Variants in TMEM192 observed in about 807,000 individuals in gnomAD.
The protein encoded by TMEM192 is transmembrane protein 192.
In TMEM192, 20 loss-of-function variants were observed where a neutral mutation model predicts 26.7. The ratio of observed to expected loss-of-function variants is 0.75; its 90% CI spans 0.53 to 1.09. The LOEUF (loss-of-function observed/expected upper bound fraction) is 1.09. Ranked by LOEUF, TMEM192 falls within the 50% of genes least tolerant of loss-of-function variation. The pLI is 0.00. For synonymous variants in TMEM192, 124 were observed against 121.0 expected (o/e 1.02, Z -0.16); for missense variants, 304 against 322.6 (o/e 0.94, Z 0.44).
intron 3 of TMEM192, among the ~76,000 whole-genome samples, chr4:165,100,133 T>A (rs550101602): frequency 5.3e-5 from 8 of 151,650 alleles, no homozygotes; most frequent in African/African-American, 1.9e-4. Context: ...CAAATGAAAA[T>A]TAAGGCTATA....
rs780190839 is a variant in TMEM192 at position 165,071,938 on chromosome 4, A to C, written c.*7720T>G. On this transcript the variant is annotated 3_prime_UTR_variant, in exon 6 of 6. Transcript: ENST00000306480. ...GGTGGAGAGGTAGTGAGAAGCAGAA[A>C]GATCACTTAAAAGACTCTTATAGGC... The C allele has an allele frequency of 6.6e-6, 1 of 152,528 alleles. No homozygotes were observed. Among genetic ancestry groups the C allele is most frequent in the Non-Finnish European group, 1.5e-5 (1 of 68,368 alleles). 9.4% of individuals were successfully genotyped at this position (152,528 alleles called of 1,614,324 possible).
chr4:165,084,617 C>T (rs1560926184), intron 5 of TMEM192, among the ~76,000 whole-genome samples: 1 of 151,784 alleles, frequency 6.6e-6, no homozygotes, highest in East Asian at 2.0e-4. Context: ...TGAGAAGAAC[C>T]ACAGACATGG....
intron 1 of TMEM192, among the ~76,000 whole-genome samples, chr4:165,112,449 C>T (rs1222293691): frequency 6.6e-6 from 1 of 152,228 alleles, no homozygotes; most frequent in Non-Finnish European, 1.5e-5. Flanking sequence ...AAGACGTACC[C>T]CGCACGTGGG....
rs1277078722 is a variant in TMEM192 at position 165,086,468 on chromosome 4, G to A, written c.575-780C>T. On this transcript the variant is annotated intron_variant, in intron 4 of 5. Coordinates refer to ENST00000306480, the MANE Select transcript of TMEM192 (RefSeq NM_001100389.2). ...GGAGTCTTGCTCTGTCGCTCAGGCT[G>A]GAGTGCAGTGGCACAACCTTGGCTC... Among the ~76,000 whole-genome samples, 4 of 146,436 alleles carry A rather than the reference G, an allele frequency of 2.7e-5. No individual in the cohort carries two copies. The South Asian group carries it at 6.4e-4, about 24-fold the overall frequency.
intron 3 of TMEM192, among the ~76,000 whole-genome samples, chr4:165,090,415 T>C (rs1486915513): frequency 6.6e-6 from 1 of 151,776 alleles, no homozygotes; most frequent in Non-Finnish European, 1.5e-5. Context: ...CAATGAGTTC[T>C]GATGAACTTC....
At chr4:165,081,447 G>A (rs1219189574) in intron 5 of TMEM192, among the ~76,000 whole-genome samples, 1 of 134,176 alleles carries the variant, frequency 7.5e-6, no homozygotes, top group African/African-American at 2.7e-5. Context: ...ACAGTGGTGC[G>A]ATCTCAGCTC....
rs142328657 is a variant in TMEM192 at position 165,102,458 on chromosome 4, C to T, written c.174+492G>A. 2.6e-3 allele frequency among the ~76,000 whole-genome samples: 394 copies of T among 152,176 alleles called. 2 individuals are homozygous for T. The highest frequency in any genetic ancestry group is 8.5e-3 in the African/African-American group (355 of 41,524). ...TATTATATACAGGAAAACAGGTCCA[C>T]AACAGCCCTCTCAACTCCCTTTTAA... On this transcript the variant is annotated intron_variant, in intron 2 of 5. Transcript: ENST00000306480.
At chr4:165,112,579 C>A (rs1735320411) in intron 1 of TMEM192, among the ~76,000 whole-genome samples, 168 bp downstream of exon 1, 1 of 152,202 alleles carries the variant, frequency 6.6e-6, no homozygotes, top group Non-Finnish European at 1.5e-5. Flanking sequence ...CCGCCTGGAG[C>A]CCTCCCAAAG....
chr4:165,111,904 CA>C (rs1578917591), intron 1 of TMEM192, among the ~76,000 whole-genome samples: 1 of 152,154 alleles, frequency 6.6e-6, no homozygotes, highest in East Asian at 1.9e-4. Context: ...GTCAACTTTG[CA>C]TTTCTCAAGA....
At chr4:165,099,365 C>G (rs67556835) in intron 3 of TMEM192, among the ~76,000 whole-genome samples, 23,435 of 152,016 alleles carry the variant, frequency 0.15, 2,264 homozygotes, top group South Asian at 0.26. Context: ...GGATTACAGG[C>G]ATGAGCTACT....
Position 165,079,543 on chromosome 4 carries a change from C to T in TMEM192, c.*115G>A. On this transcript the variant is annotated 3_prime_UTR_variant, in exon 6 of 6. Transcript: ENST00000306480. ...GAACCAAATTCAGGTTTCCAACAAA[C>T]ACTGTAAAATGCTATTCAGCAAAAG... 1 of 1,227,814 alleles carries T rather than the reference C, an allele frequency of 8.1e-7. No homozygotes were observed. The highest frequency in any genetic ancestry group is 1.1e-6 in the Non-Finnish European group (1 of 913,628). 76.1% of individuals were successfully genotyped at this position (1,227,814 alleles called of 1,614,324 possible).
At chr4:165,080,761 C>G (rs1734501330) in intron 5 of TMEM192, among the ~76,000 whole-genome samples, 1 of 152,132 alleles carries the variant, frequency 6.6e-6, no homozygotes, top group African/African-American at 2.4e-5. Flanking sequence ...GTTGCCCAGG[C>G]TGGAGTGCAG....
At chr4:165,089,888 G>A (rs1734714047) in intron 3 of TMEM192, among the ~76,000 whole-genome samples, 1 of 152,030 alleles carries the variant, frequency 6.6e-6, no homozygotes, top group South Asian at 2.1e-4. Context: ...TTTGTATAGA[G>A]TTCCTAAAAC....
chr4:165,088,629 C>G, intron 3 of TMEM192, 27 bp from the exon 4 acceptor site: 1 of 1,596,484 alleles, frequency 6.3e-7, no homozygotes, highest in South Asian at 1.1e-5. Context: ...TAAAACACAG[C>G]ATGTGATGAG....
rs74795263 is a variant in TMEM192, at chr4:165,074,113, A to ACCCCCCC, written c.*5538_*5544dup. 6.6e-6 allele frequency: 1 copy of ACCCCCCC among 151,326 alleles called. No individual in the cohort carries two copies. The highest frequency in any genetic ancestry group is 2.1e-4 in the South Asian group (1 of 4,796). The allele number at this position is 151,326 out of a possible 1,614,324, so 9.4% of individuals were successfully genotyped here. A position where few individuals can be genotyped will look rare whatever the true frequency, so the allele number is the denominator to read the frequency against. On this transcript the variant is annotated 3_prime_UTR_variant, in exon 6 of 6. Coordinates refer to ENST00000306480, the MANE Select transcript of TMEM192 (RefSeq NM_001100389.2). ...AATACCCACAGGTGTGGAGGGGCAG[A>ACCCCCCC]CCCCCCCTCAATCAACTGAGCCAAG...
chr4:165,089,233 G>A (rs957333345), intron 3 of TMEM192, among the ~76,000 whole-genome samples: 15 of 151,996 alleles, frequency 9.9e-5, no homozygotes, highest in African/African-American at 3.6e-4. Flanking sequence ...GCCTCTCTGT[G>A]TAGACTCCTC....
chr4:165,097,097 G>C (rs890361288), intron 3 of TMEM192, among the ~76,000 whole-genome samples: 6 of 149,760 alleles, frequency 4.0e-5, no homozygotes, highest in South Asian at 2.2e-4. Flanking sequence ...GAGCAGTCAG[G>C]ATCACCCAAC....
Position 165,074,884 on chromosome 4 carries a change from A to C in TMEM192, c.*4774T>G, listed in dbSNP as rs964740168. 6.6e-6 allele frequency: 1 copy of C among 152,118 alleles called. No homozygotes were observed. The highest frequency in any genetic ancestry group is 1.5e-5 in the Non-Finnish European group (1 of 68,038). The allele number at this position is 152,118 out of a possible 1,614,324, so 9.4% of individuals were successfully genotyped here. On this transcript the variant is annotated 3_prime_UTR_variant, in exon 6 of 6. Coordinates refer to ENST00000306480, the MANE Select transcript of TMEM192 (RefSeq NM_001100389.2). Reference sequence around the variant, plus strand: ...GGGAGCCACCACGCCCAACCAGAAGATTCTAGTTGTTAAGAAAAAGAATAT... The same window carrying C: ...GGGAGCCACCACGCCCAACCAGAAGCTTCTAGTTGTTAAGAAAAAGAATAT...
chr4:165,071,228 G>C lies in TMEM192; in HGVS notation c.*8430C>G, dbSNP rs543901107. 3.3e-5 allele frequency: 5 copies of C among 151,946 alleles called. No individual in the cohort carries two copies. Among genetic ancestry groups the C allele is most frequent in the South Asian group, 2.1e-4 (1 of 4,826 alleles). 9.4% of individuals were successfully genotyped at this position (151,946 alleles called of 1,614,324 possible). ...AGCAATATACTATAATAAAAGTTAC[G>C]TGTGGTGGTGTGGTGCACATCTATA... On this transcript the variant is annotated 3_prime_UTR_variant, in exon 6 of 6. Transcript: ENST00000306480.
Sources: gnomAD v4.1 joint callset for allele counts (sites outside exome capture counted in the v4.1 genomes callset) on GRCh38, gnomAD v4.1.1 for gene constraint, MANE v1.5 for transcripts, NCBI Gene and HGNC (gene_info 2026-07-23, HGNC 2026-07-21) for gene names.